The following PPP1R9A variants were observed in gnomAD, a reference collection of about 807,000 sequenced individuals.
PPP1R9A encodes neurabin-1.
Under a neutral mutation model 141.9 loss-of-function variants are expected in PPP1R9A, and 59 were observed. The observed-to-expected ratio is 0.42, with a 90% CI of 0.34 to 0.52. PPP1R9A has a LOEUF of 0.52. Among genes scored for constraint, PPP1R9A ranks in the 20% least tolerant of loss-of-function variants. The pLI is 0.10. For synonymous variants in PPP1R9A, 500 were observed against 569.7 expected (o/e 0.88, Z 1.74); for missense variants, 1,444 against 1,611.9 (o/e 0.90, Z 1.78).
intron 2 of PPP1R9A, among the ~76,000 whole-genome samples, chr7:94,946,709 T>A (rs1176965267): frequency 6.6e-6 from 1 of 152,194 alleles, no homozygotes; most frequent in African/African-American, 2.4e-5. Context: ...CCCACATGAT[T>A]GATTATGTAA....
intron 7 of PPP1R9A, among the ~76,000 whole-genome samples, chr7:95,221,636 A>G (rs1225889613): frequency 6.6e-6 from 1 of 152,112 alleles, no homozygotes; most frequent in Non-Finnish European, 1.5e-5. Flanking sequence ...AAGTTGTTGT[A>G]TCTATGAAAA....
intron 7 of PPP1R9A, among the ~76,000 whole-genome samples, chr7:95,211,732 ATTTCAATACTT>A (rs1210418673): frequency 1.3e-5 from 2 of 152,166 alleles, no homozygotes; most frequent in Non-Finnish European, 2.9e-5. Flanking sequence ...CACACCTGGA[ATTTCAATACTT>A]TGGGAGGTTG....
At chr7:95,223,583 A>G (rs546051582) in intron 7 of PPP1R9A, among the ~76,000 whole-genome samples, 2 of 152,214 alleles carry the variant, frequency 1.3e-5, no homozygotes, top group South Asian at 2.1e-4. Context: ...CTAGGCACAT[A>G]TTTATATTAA....
In PPP1R9A at chr7:95,118,959, T is replaced by G. The variant is rs146557281; in HGVS notation, c.1529-1753T>G. 7.9e-3 allele frequency among the ~76,000 whole-genome samples: 1,149 copies of G among 146,206 alleles called. 29 individuals carry two copies. The highest frequency in any genetic ancestry group is 0.042 in the Admixed American group (613 of 14,434). ...ATGGCGCCACTGCACTCCAGCCTGATCAACAGAGTGAGACCTTGTCTCAAA... is the reference window on the plus strand; with the variant it reads ...ATGGCGCCACTGCACTCCAGCCTGAGCAACAGAGTGAGACCTTGTCTCAAA... On this transcript the variant is annotated intron_variant, in intron 3 of 19. Transcript: ENST00000433360.
At chr7:95,089,759 C>T (rs1330281777) in intron 2 of PPP1R9A, among the ~76,000 whole-genome samples, 1 of 151,230 alleles carries the variant, frequency 6.6e-6, no homozygotes, top group Non-Finnish European at 1.5e-5. Flanking sequence ...TATAATATTA[C>T]TGAGTTTTAC....
intron 2 of PPP1R9A, among the ~76,000 whole-genome samples, chr7:95,035,484 C>A (rs981578889): frequency 5.3e-5 from 8 of 152,126 alleles, no homozygotes; most frequent in Non-Finnish European, 1.0e-4. Flanking sequence ...GTTTTATGAT[C>A]TGTTATCCTC....
intron 2 of PPP1R9A, among the ~76,000 whole-genome samples, chr7:94,931,393 G>A (rs1237337468): frequency 6.6e-6 from 1 of 152,104 alleles, no homozygotes; most frequent in African/African-American, 2.4e-5. Context: ...GTGTCGTACA[G>A]TGGTATTTTG....
intron 2 of PPP1R9A, among the ~76,000 whole-genome samples, chr7:95,108,476 A>G (rs1584728903): frequency 1.3e-5 from 2 of 151,464 alleles, no homozygotes; most frequent in South Asian, 2.1e-4. Flanking sequence ...ACACCCGGCT[A>G]ATTTTTTGTA....
At chr7:94,939,665 A>T (rs1795117743) in intron 2 of PPP1R9A, among the ~76,000 whole-genome samples, 2 of 151,974 alleles carry the variant, frequency 1.3e-5, no homozygotes, top group Admixed American at 1.3e-4. Context: ...TTTTGAACAT[A>T]CACTATGTAC....
At chr7:95,188,289 T>C (rs1834942309) in intron 5 of PPP1R9A, among the ~76,000 whole-genome samples, 1 of 152,208 alleles carries the variant, frequency 6.6e-6, no homozygotes, top group African/African-American at 2.4e-5. Context: ...TTGTCTGATA[T>C]AAGAATGGCT....
chr7:95,284,471 A>C (rs534259973), intron 17 of PPP1R9A, 141 bp downstream of exon 17: 2 of 864,710 alleles, frequency 2.3e-6, no homozygotes, highest in Non-Finnish European at 3.4e-6. Context: ...ACATATTGCT[A>C]TTTAATCTCA....
intron 2 of PPP1R9A, among the ~76,000 whole-genome samples, chr7:95,034,346 T>C (rs978896742): frequency 1.4e-5 from 2 of 144,546 alleles, no homozygotes; most frequent in Non-Finnish European, 2.9e-5. Context: ...ATTAAAAAAA[T>C]ATTCTAAGCA....
At chr7:94,996,814 T>TC (rs1802240200) in intron 2 of PPP1R9A, among the ~76,000 whole-genome samples, 1 of 150,778 alleles carries the variant, frequency 6.6e-6, no homozygotes, top group African/African-American at 2.4e-5. Context: ...TTTTTTTTTT[T>TC]TTTTGAGATG....
rs1809978940 is a variant in PPP1R9A at position 95,046,145 on chromosome 7, C to A, written c.1396-65114C>A. ...CCAGGCTGGAGTGCAATGGCACAAT[C>A]TCGGTTCCCTGCAACCTCTGACTCC... is the stretch of plus-strand genomic sequence containing the variant. On this transcript the variant is annotated intron_variant, in intron 2 of 19. Coordinates refer to ENST00000433360, the MANE Select transcript of PPP1R9A (RefSeq NM_001166160.2). Among the ~76,000 whole-genome samples, 6 of 150,138 alleles carry A rather than the reference C, an allele frequency of 4.0e-5. No homozygotes were observed. In the South Asian group the frequency reaches 1.3e-3, roughly 32 times the overall value.
chr7:95,259,027 GTTAA>G (rs1407011493), intron 12 of PPP1R9A, among the ~76,000 whole-genome samples: 3 of 152,066 alleles, frequency 2.0e-5, no homozygotes, highest in East Asian at 1.9e-4. Flanking sequence ...GCAGTAAAAA[GTTAA>G]TTAATTTTAG....
chr7:95,268,806 G>T, intron 13 of PPP1R9A, 99 bp downstream of exon 13: 2 of 1,386,242 alleles, frequency 1.4e-6, no homozygotes, highest in Non-Finnish European at 2.0e-6. Flanking sequence ...CAGAGTCTAT[G>T]TCCTAGTTGG....
intron 4 of PPP1R9A, among the ~76,000 whole-genome samples, chr7:95,138,988 C>T (rs1826160427): frequency 6.6e-6 from 1 of 152,104 alleles, no homozygotes; most frequent in Non-Finnish European, 1.5e-5. Flanking sequence ...TCCAGCAATT[C>T]CACTCCAAGA....
intron 5 of PPP1R9A, among the ~76,000 whole-genome samples, chr7:95,170,851 T>C (rs577585235): frequency 4.0e-4 from 60 of 151,806 alleles, no homozygotes; most frequent in African/African-American, 1.4e-3. Flanking sequence ...TAAAGGATTA[T>C]TAACTTTTTA....
chr7:95,255,432 A>G (rs1282775111), intron 12 of PPP1R9A, among the ~76,000 whole-genome samples: 2 of 152,158 alleles, frequency 1.3e-5, no homozygotes. Context: ...GAAGTTACCT[A>G]TGAAGGCATA....
Sources: allele counts gnomAD v4.1 joint callset (sites outside exome capture counted in the v4.1 genomes callset), GRCh38; gene constraint gnomAD v4.1.1; transcripts MANE v1.5; gene names NCBI Gene and HGNC (gene_info 2026-07-23, HGNC 2026-07-21).